Variants in SLC9B2 observed in about 807,000 individuals in gnomAD.
SLC9B2 encodes the protein solute carrier family 9 member B2.
Under a neutral mutation model 52.2 loss-of-function variants are expected in SLC9B2, and 39 were observed. That is an observed-to-expected ratio of 0.75 (90% CI 0.58 to 0.98). The LOEUF (loss-of-function observed/expected upper bound fraction) is 0.98, where lower values mean the gene tolerates loss of function less well. SLC9B2 is among the 50% of genes least tolerant of loss of function. SLC9B2 has a pLI of 0.00. For synonymous variants in SLC9B2, 214 were observed against 227.0 expected (o/e 0.94, Z 0.51); for missense variants, 626 against 637.5 (o/e 0.98, Z 0.19).
rs138419428 is a variant in SLC9B2 at position 103,039,205 on chromosome 4, T to A, written c.1146+4091A>T. Among the ~76,000 whole-genome samples, 195 of 152,336 alleles carry A rather than the reference T, an allele frequency of 1.3e-3. No homozygotes were observed. The Middle Eastern group carries it at 0.017, about 13-fold the overall frequency. On this transcript the variant is annotated intron_variant, in intron 9 of 11. Transcript: ENST00000394785. ...GGCATCCCAATCTCCATATTTTAAA[T>A]CTTATGCTCTTAGTATGATATCATG...
At chr4:103,052,354 G>A (rs573388905) in intron 4 of SLC9B2, among the ~76,000 whole-genome samples, 242 of 152,320 alleles carry the variant, frequency 1.6e-3, no homozygotes, top group African/African-American at 5.0e-3. Flanking sequence ...CTCCTGCCAC[G>A]GCCCGGGGCT....
intron 4 of SLC9B2, among the ~76,000 whole-genome samples, chr4:103,051,139 T>C (rs1017750410): frequency 1.3e-5 from 2 of 152,166 alleles, no homozygotes; most frequent in Admixed American, 1.3e-4. Flanking sequence ...TTGAGAAGTT[T>C]CTGGAAAAGA....
rs758560056 is a variant in SLC9B2, at chr4:103,067,477, A to G, written c.74T>C (p.Met25Thr). 1 of 1,613,360 alleles carries G rather than the reference A, an allele frequency of 6.2e-7. No homozygotes were observed. The highest frequency in any genetic ancestry group is 8.5e-7 in the Non-Finnish European group (1 of 1,179,466). ...TAGATTTACCTGTGCTTCTTGATGC[A>G]TGGAGGGCGTGTAATTCATTCCTGT... is the stretch of plus-strand genomic sequence containing the variant. ...PSTGMNYTPS[M>T]HQEAQEETVM... Residue 25 changes from methionine to threonine, a missense_variant, in exon 2 of 12, where the codon ATG (methionine) becomes ACG (threonine). Physicochemically the swap from Met to Thr is moderately conservative, Grantham distance 81. Coordinates refer to ENST00000394785, the MANE Select transcript of SLC9B2 (RefSeq NM_178833.7).
chr4:103,050,456 C>T (rs1390611874), intron 4 of SLC9B2, 74 bp from the exon 5 acceptor site: 1 of 1,367,922 alleles, frequency 7.3e-7, no homozygotes, highest in African/African-American at 1.5e-5. Context: ...TAATTTTATA[C>T]AGACTACTAT....
intron 5 of SLC9B2, 88 bp from the exon 6 acceptor site, chr4:103,049,108 C>T: frequency 1.4e-6 from 2 of 1,465,412 alleles, no homozygotes; most frequent in Non-Finnish European, 1.8e-6. Context: ...AGTATATGGA[C>T]CACGTCTGGG....
Position 103,026,560 on chromosome 4 carries a change from G to C in SLC9B2, c.1424C>G (p.Ala475Gly). The C allele has an allele frequency of 6.2e-7, 1 of 1,613,620 alleles. No individual in the cohort carries two copies. Among genetic ancestry groups the C allele is most frequent in the Non-Finnish European group, 8.5e-7 (1 of 1,179,758 alleles). ...AAIGSVALDT[A>G]RSHGEKQLED... ...TAATTGTTTCTCTCCATGTGACCTT[G>C]CTGTGTCCAAAGCCACAGATCCTAT... Residue 475 changes from alanine (A) to glycine (G), a missense_variant, in exon 12 of 12, where the codon GCA becomes GGA. Ala to Gly is a moderately conservative substitution (Grantham distance 60). Coordinates refer to ENST00000394785, the MANE Select transcript of SLC9B2 (RefSeq NM_178833.7).
chr4:103,062,162 T>G (rs1745702521), intron 3 of SLC9B2, among the ~76,000 whole-genome samples: 1 of 152,248 alleles, frequency 6.6e-6, no homozygotes, highest in Non-Finnish European at 1.5e-5. Flanking sequence ...GGCTCACGCC[T>G]GTAATCCCAG....
chr4:103,039,526 G>T (rs908341116), intron 9 of SLC9B2, among the ~76,000 whole-genome samples: 15 of 151,952 alleles, frequency 9.9e-5, no homozygotes, highest in African/African-American at 3.4e-4. Flanking sequence ...ACAGGAATAA[G>T]AACTTTCCTG....
At position 103,026,136 on chromosome 4, in the gene SLC9B2, A is replaced by G; in HGVS notation, c.*234T>C. On this transcript the variant is annotated 3_prime_UTR_variant, in exon 12 of 12. Transcript: ENST00000394785. Reference sequence around the variant, plus strand: ...ATTAAAGTAGATATGTCCTTATGCAAATTAAGATGGATGATGAAGGGGTGT... The same window carrying G: ...ATTAAAGTAGATATGTCCTTATGCAGATTAAGATGGATGATGAAGGGGTGT... 2.3e-6 allele frequency: 1 copy of G among 436,746 alleles called. No homozygotes were observed. Among genetic ancestry groups the G allele is most frequent in the South Asian group, 4.2e-5 (1 of 23,808 alleles). The allele number at this position is 436,746 out of a possible 1,614,324, so 27.1% of individuals were successfully genotyped here.
chr4:103,072,230 T>C (rs1299603005), intron 1 of SLC9B2, among the ~76,000 whole-genome samples: 5 of 152,058 alleles, frequency 3.3e-5, no homozygotes, highest in Non-Finnish European at 4.4e-5. Flanking sequence ...AGCTACTTTT[T>C]CTATTTTTAG....
chr4:103,019,690 G>T (rs898929556), downstream of SLC9B2: 36 of 985,406 alleles, frequency 3.7e-5, no homozygotes, highest in Non-Finnish European at 4.0e-5. Flanking sequence ...GGTGGGCAGG[G>T]TGGTGACGCG....
intron 7 of SLC9B2, among the ~76,000 whole-genome samples, chr4:103,045,654 C>G (rs980728445): frequency 3.9e-5 from 6 of 152,074 alleles, no homozygotes; most frequent in Non-Finnish European, 7.4e-5. Flanking sequence ...ACAGCAGAGT[C>G]AACTAGGAAG....
chr4:103,041,894 G>A lies in SLC9B2; in HGVS notation c.1146+1402C>T, dbSNP rs191780205. Reference sequence around the variant, plus strand: ...TCTGACTTACAGCTTCTATAAGGTAGAAATCATAATACTTTTCAAAGGTAA... The same window carrying A: ...TCTGACTTACAGCTTCTATAAGGTAAAAATCATAATACTTTTCAAAGGTAA... On this transcript the variant is annotated intron_variant, in intron 9 of 11. Coordinates refer to ENST00000394785, the MANE Select transcript of SLC9B2 (RefSeq NM_178833.7). Among the ~76,000 whole-genome samples the A allele has an allele frequency of 2.8e-3, 419 of 152,202 alleles. 3 individuals carry two copies. The highest frequency in any genetic ancestry group is 9.8e-3 in the African/African-American group (407 of 41,536).
chr4:103,047,042 T>C lies in SLC9B2; in HGVS notation c.889+9A>G. 1.2e-6 allele frequency: 2 copies of C among 1,613,488 alleles called. No individual in the cohort carries two copies. The highest frequency in any genetic ancestry group is 1.7e-5 in the Admixed American group (1 of 59,964). On this transcript the variant is annotated intron_variant, in intron 7 of 11. Transcript: ENST00000394785. The stretch of plus-strand genomic sequence containing the variant: ...AAGAGTAAAGCCTGTTGTGAACTGA[T>C]TAGGTTACCTGTGGAAAAGGCTATG...
chr4:103,043,086 C>T (rs1045210263), intron 9 of SLC9B2, among the ~76,000 whole-genome samples: 1 of 151,634 alleles, frequency 6.6e-6, no homozygotes, highest in Non-Finnish European at 1.5e-5. Context: ...GTAGTATGAC[C>T]ATGATATATT....
At position 103,048,563 on chromosome 4, in the gene SLC9B2, T is replaced by C. The variant is rs542866558; in HGVS notation, c.713+330A>G. On this transcript the variant is annotated intron_variant, in intron 6 of 11. Transcript: ENST00000394785. Reference sequence around the variant, plus strand: ...TAGTCTGGTGACAGGAGGAAAACAATAGTAGCTGTTGATCACTGTTGCTGT... The same window carrying C: ...TAGTCTGGTGACAGGAGGAAAACAACAGTAGCTGTTGATCACTGTTGCTGT... 21 of 173,728 alleles carry C rather than the reference T, an allele frequency of 1.2e-4. No homozygotes were observed. The East Asian group carries it at 3.0e-3, about 25-fold the overall frequency. 10.8% of individuals were successfully genotyped at this position (173,728 alleles called of 1,614,324 possible). A position where few individuals can be genotyped will look rare whatever the true frequency, so the allele number is the denominator to read the frequency against.
At chr4:103,064,746 C>T (rs1745959268) in intron 3 of SLC9B2, among the ~76,000 whole-genome samples, 1 of 151,406 alleles carries the variant, frequency 6.6e-6, no homozygotes, top group South Asian at 2.1e-4. Flanking sequence ...CATATTGTAC[C>T]CCACAAATAT....
rs1746796611 is a variant in SLC9B2 at position 103,072,923 on chromosome 4, T to C, written c.-43+3261A>G. 1.3e-5 allele frequency among the ~76,000 whole-genome samples: 2 copies of C among 152,168 alleles called. 1 individual carries two copies. The highest frequency in any genetic ancestry group is 4.1e-4 in the South Asian group (2 of 4,836). On this transcript the variant is annotated intron_variant, in intron 1 of 11. Transcript: ENST00000394785. ...TTAAGTCACCAGCACTCAACCCTCA[T>C]GAATGGGACTAGTGCTCTTATAAAA...
At chr4:103,019,578 G>A (rs895408872), downstream of SLC9B2, 7 of 985,278 alleles carry the variant, frequency 7.1e-6, no homozygotes, top group Non-Finnish European at 7.2e-6. Flanking sequence ...GAAGGGCGGC[G>A]TTAAGAAAAA....
Sources: gnomAD v4.1 joint callset for allele counts (sites outside exome capture counted in the v4.1 genomes callset) on GRCh38, gnomAD v4.1.1 for gene constraint, MANE v1.5 for transcripts, NCBI Gene and HGNC (gene_info 2026-07-23, HGNC 2026-07-21) for gene names.